PLCE1: variants seen among roughly 807,000 people sequenced by gnomAD.
The protein encoded by PLCE1 is 1-phosphatidylinositol 4,5-bisphosphate phosphodiesterase epsilon-1.
PLCE1 carries 119 observed loss-of-function variants against 242.8 expected under a neutral mutation model. The observed-to-expected ratio is 0.49, with a 90% confidence interval of 0.42 to 0.57. The LOEUF (loss-of-function observed/expected upper bound fraction) is 0.57. PLCE1 is among the 20% of genes least tolerant of loss of function. The pLI is 0.00. For missense variants in PLCE1, 2,441 were observed against 2,788.8 expected (o/e 0.88, Z 2.81); for synonymous variants, 945 against 1,017.4 (o/e 0.93, Z 1.35).
rs79948283 is a variant in PLCE1 at position 94,147,554 on chromosome 10, G to T, written c.1492+15095G>T. 5.3e-3 allele frequency among the ~76,000 whole-genome samples: 802 copies of T among 152,324 alleles called. 6 individuals carry two copies. Among genetic ancestry groups the T allele is most frequent in the African/African-American group, 0.017 (709 of 41,580 alleles). ...ATTCATCCAGTAAATAGTCAATTGA[G>T]TGCCTGCCGTGGACTAGATGCTATG... On this transcript the variant is annotated intron_variant, in intron 3 of 32. Transcript: ENST00000371380.
intron 4 of PLCE1, among the ~76,000 whole-genome samples, chr10:94,181,266 A>G (rs889741337): frequency 2.0e-5 from 3 of 152,116 alleles, no homozygotes; most frequent in Admixed American, 1.3e-4. Context: ...GGGCCCAGGC[A>G]TTTATAATTT....
At chr10:94,300,180 C>A (rs778076958) in intron 24 of PLCE1, among the ~76,000 whole-genome samples, 19 of 152,144 alleles carry the variant, frequency 1.2e-4, no homozygotes, top group Non-Finnish European at 2.8e-4. Context: ...TTTGGATGTG[C>A]CCTTTCTCTG....
intron 1 of PLCE1, among the ~76,000 whole-genome samples, chr10:94,025,840 C>T (rs2061445253): frequency 2.0e-5 from 3 of 152,174 alleles, no homozygotes; most frequent in Admixed American, 1.3e-4. Context: ...CTTGCTCTAA[C>T]CATGCATTTC....
At chr10:94,165,960 C>G (rs2047789155) in intron 3 of PLCE1, among the ~76,000 whole-genome samples, 1 of 152,082 alleles carries the variant, frequency 6.6e-6, no homozygotes, top group Non-Finnish European at 1.5e-5. Flanking sequence ...ACCCTCCTCG[C>G]CTCCCAAAGT....
intron 2 of PLCE1, among the ~76,000 whole-genome samples, chr10:94,128,309 C>A: frequency 6.6e-6 from 1 of 152,120 alleles, no homozygotes; most frequent in Non-Finnish European, 1.5e-5. Context: ...TGACAGGTTC[C>A]CTGAACATTG....
rs533981954 is a variant in PLCE1, at chr10:94,271,620, A to T, written c.4506+1018A>T. 5.9e-5 allele frequency among the ~76,000 whole-genome samples: 9 copies of T among 152,186 alleles called. No homozygotes were observed. The East Asian group carries it at 1.5e-3, about 26-fold the overall frequency. Reference sequence around the variant, plus strand: ...TGAGGCACCGCACCCAGCCAAGAAGATCTTCTTATACCACAGTACAAAGAT... The same window carrying T: ...TGAGGCACCGCACCCAGCCAAGAAGTTCTTCTTATACCACAGTACAAAGAT... On this transcript the variant is annotated intron_variant, in intron 18 of 32. Coordinates refer to ENST00000371380, the MANE Select transcript of PLCE1 (RefSeq NM_016341.4).
chr10:94,243,402 G>C (rs1029815448), intron 7 of PLCE1, among the ~76,000 whole-genome samples: 10 of 152,180 alleles, frequency 6.6e-5, no homozygotes, highest in African/African-American at 2.4e-4. Flanking sequence ...AAATGTAATG[G>C]GAGATCCTGG....
At chr10:94,117,038 G>A (rs1200541657) in intron 2 of PLCE1, among the ~76,000 whole-genome samples, 1 of 152,170 alleles carries the variant, frequency 6.6e-6, no homozygotes, top group Non-Finnish European at 1.5e-5. Context: ...TAACAGATAA[G>A]CAAGGTTGAG....
rs2054136816 is a variant in PLCE1 at position 94,329,799 on chromosome 10, A to AC, written c.*1856_*1857insC. On this transcript the variant is annotated 3_prime_UTR_variant, in exon 33 of 33. Coordinates refer to ENST00000371380, the MANE Select transcript of PLCE1 (RefSeq NM_016341.4). ...CTCAAAAAAAAAAAAAAAAAAAAAA[A>AC]AAAAAAAAAAAACACCATACAGCTT... 6.7e-6 allele frequency: 1 copy of AC among 148,500 alleles called. No individual in the cohort carries two copies. Among genetic ancestry groups the AC allele is most frequent in the South Asian group, 2.1e-4 (1 of 4,718 alleles). 9.2% of individuals were successfully genotyped at this position (148,500 alleles called of 1,614,324 possible). A position where few individuals can be genotyped will look rare whatever the true frequency, so the allele number is the denominator to read the frequency against.
intron 2 of PLCE1, among the ~76,000 whole-genome samples, chr10:94,052,171 G>A (rs1589922698): frequency 6.6e-6 from 1 of 152,170 alleles, no homozygotes; most frequent in Non-Finnish European, 1.5e-5. Flanking sequence ...CTAGAGGCTT[G>A]TAACCAAACC....
intron 2 of PLCE1, among the ~76,000 whole-genome samples, chr10:94,062,582 G>GTTTTTTTTTTTTT (rs5787099): frequency 2.1e-5 from 3 of 142,368 alleles, no homozygotes; most frequent in Non-Finnish European, 3.0e-5. Context: ...TCTTGGTTTT[G>GTTTTTTTTTTTTT]TTTTTTTTTT....
chr10:94,059,758 G>A (rs2043997260), intron 2 of PLCE1, among the ~76,000 whole-genome samples: 1 of 152,152 alleles, frequency 6.6e-6, no homozygotes, highest in Non-Finnish European at 1.5e-5. Context: ...TAACTTGTTT[G>A]AGGGTAAATT....
intron 4 of PLCE1, among the ~76,000 whole-genome samples, chr10:94,191,782 T>C (rs893891576): frequency 2.6e-5 from 4 of 152,218 alleles, no homozygotes; most frequent in African/African-American, 9.7e-5. Flanking sequence ...GTGTCTTTAG[T>C]AGGCAGAGCT....
At chr10:94,261,875 T>G (rs1458475898) in intron 13 of PLCE1, among the ~76,000 whole-genome samples, 1 of 152,142 alleles carries the variant, frequency 6.6e-6, no homozygotes, top group East Asian at 1.9e-4. Flanking sequence ...AACAAAAATG[T>G]GCAAGTAGTT....
At chr10:94,016,115 A>T (rs756952444) in intron 1 of PLCE1, among the ~76,000 whole-genome samples, 9 of 152,088 alleles carry the variant, frequency 5.9e-5, no homozygotes, top group Admixed American at 4.6e-4. Context: ...AGGCAGTATG[A>T]TTTTCCATGA....
chr10:94,166,615 GAAATA>G (rs2047814219), intron 3 of PLCE1, among the ~76,000 whole-genome samples: 1 of 128,180 alleles, frequency 7.8e-6, no homozygotes, highest in African/African-American at 4.0e-5. Flanking sequence ...TGTGTGTGTA[GAAATA>G]TGTCTCCTCT....
chr10:94,194,949 C>T (rs1404731955), intron 4 of PLCE1, among the ~76,000 whole-genome samples: 2 of 152,024 alleles, frequency 1.3e-5, no homozygotes, highest in African/African-American at 4.8e-5. Context: ...TTGGGGGAAA[C>T]AGGGGCCACC....
At chr10:94,086,019 C>T (rs2044811070) in intron 2 of PLCE1, among the ~76,000 whole-genome samples, 1 of 152,188 alleles carries the variant, frequency 6.6e-6, no homozygotes, top group Admixed American at 6.5e-5. Context: ...GTGCCCAGTA[C>T]AATGCCAGAT....
intron 2 of PLCE1, among the ~76,000 whole-genome samples, chr10:94,064,848 G>A (rs2044155058): frequency 6.6e-6 from 1 of 152,110 alleles, no homozygotes; most frequent in Non-Finnish European, 1.5e-5. Context: ...CCCTTTTTCA[G>A]CTGTGTCCCA....
Sources: gnomAD v4.1 joint callset for allele counts (sites outside exome capture counted in the v4.1 genomes callset) on GRCh38, gnomAD v4.1.1 for gene constraint, MANE v1.5 for transcripts, NCBI Gene and HGNC (gene_info 2026-07-23, HGNC 2026-07-21) for gene names.